The following SRRM4 variants were observed in gnomAD, a reference collection of about 807,000 sequenced individuals.
SRRM4 encodes serine/arginine repetitive matrix protein 4.
In SRRM4, 33 loss-of-function variants were observed where a neutral mutation model predicts 68.9. The ratio of observed to expected loss-of-function variants is 0.48; its 90% CI spans 0.36 to 0.64. SRRM4 has a LOEUF of 0.64. Ranked by LOEUF, SRRM4 falls within the 30% of genes least tolerant of loss-of-function variation. SRRM4 has a pLI of 0.00. For missense variants in SRRM4, 817 were observed against 827.1 expected (o/e 0.99, Z 0.15); for synonymous variants, 318 against 318.8 (o/e 1.00, Z 0.03).
chr12:119,110,175 C>T (rs1954133534), intron 2 of SRRM4, among the ~76,000 whole-genome samples: 1 of 152,208 alleles, frequency 6.6e-6, no homozygotes, highest in Non-Finnish European at 1.5e-5. Context: ...CTGCCTGATC[C>T]TTCCTCTGGA....
Position 119,157,027 on chromosome 12 carries a change from G to C in SRRM4, c.*229G>C. 2.0e-6 allele frequency: 1 copy of C among 503,352 alleles called. No homozygotes were observed. The highest frequency in any genetic ancestry group is 3.4e-6 in the Non-Finnish European group (1 of 292,924). 31.2% of individuals were successfully genotyped at this position (503,352 alleles called of 1,614,324 possible). Reference sequence around the variant, plus strand: ...GGCCCAGCTCAGGCCTGGGCATATGGAAAGAACCATCATCTTGTGGCACAA... The same window carrying C: ...GGCCCAGCTCAGGCCTGGGCATATGCAAAGAACCATCATCTTGTGGCACAA... On this transcript the variant is annotated 3_prime_UTR_variant, in exon 13 of 13. Transcript: ENST00000267260. This position sits in a 1 kb window ranked among gnomAD's most constrained non-coding sequence, Gnocchi z 4.1.
At chr12:119,002,458 T>C (rs966244408) in intron 1 of SRRM4, among the ~76,000 whole-genome samples, 13 of 152,138 alleles carry the variant, frequency 8.5e-5, no homozygotes, top group Non-Finnish European at 1.8e-4. Flanking sequence ...ATGGATTCAT[T>C]CTCTCCAAAT....
intron 4 of SRRM4, among the ~76,000 whole-genome samples, chr12:119,118,776 C>A (rs1954198831): frequency 6.6e-6 from 1 of 152,194 alleles, no homozygotes; most frequent in South Asian, 2.1e-4. Context: ...AGTGGCTTCT[C>A]ACTCACAGAT....
Position 119,102,303 on chromosome 12 carries a change from C to T in SRRM4, c.199C>T (p.Leu67=), listed in dbSNP as rs574984677. 299 of 1,613,768 alleles carry T rather than the reference C, an allele frequency of 1.9e-4. 1 individual carries two copies. In the South Asian group the frequency reaches 3.0e-3, roughly 16 times the overall value. ...DGPSEKLGQH[L]ATEPLGTNSW... Reference sequence around the variant, plus strand: ...ACCCTCAGAAAAGCTGGGTCAGCATCTGGCCACCGAGCCCTTGGGCACCAA... The same window carrying T: ...ACCCTCAGAAAAGCTGGGTCAGCATTTGGCCACCGAGCCCTTGGGCACCAA... Residue 67 remains leucine, a synonymous_variant, in exon 2 of 13, where the codon CTG becomes TTG. Transcript: ENST00000267260.
intron 4 of SRRM4, 44 bp from the exon 5 acceptor site, chr12:119,120,206 T>G (rs1244104938): frequency 7.0e-7 from 1 of 1,424,546 alleles, no homozygotes; most frequent in Non-Finnish European, 9.6e-7. Context: ...TGCCTTTTTT[T>G]TCTTTGATTC....
Position 118,981,807 on chromosome 12 carries a change from G to A in SRRM4, c.-76G>A, listed in dbSNP as rs1238055293. The A allele has an allele frequency of 1.3e-6, 2 of 1,526,786 alleles. No homozygotes were observed. The highest frequency in any genetic ancestry group is 2.6e-5 in the South Asian group (2 of 78,354). 94.6% of individuals were successfully genotyped at this position (1,526,786 alleles called of 1,614,324 possible). ...TCACCCGGACAGAGCCGGGAGCTGG[G>A]TGTCGCCCCCGTTTGGAATCCACGT... On this transcript the variant is annotated 5_prime_UTR_variant, in exon 1 of 13. In the 5' UTR this introduces an upstream ATG that the reference lacks. Transcript: ENST00000267260.
At position 119,153,642 on chromosome 12, in the gene SRRM4, C is replaced by G. The variant is rs1185502641; in HGVS notation, c.1384C>G (p.Pro462Ala). The G allele has an allele frequency of 6.4e-7, 1 of 1,554,176 alleles. No homozygotes were observed. The highest frequency in any genetic ancestry group is 8.7e-7 in the Non-Finnish European group (1 of 1,151,044). ...CAGCCCTAGCTACTCCCGCTACAGC[C>G]CCAGCAGGTACCGGCCCCGCCCCTC... ...RRSPSYSRYS[P>A]SRERDPKYSE... is the part of the protein sequence containing the mutation. Residue 462 changes from proline (P) to alanine (A), a missense_variant, in exon 11 of 13, where the codon CCC becomes GCC. Pro to Ala is a conservative substitution (Grantham distance 27). Coordinates refer to ENST00000267260, the MANE Select transcript of SRRM4 (RefSeq NM_194286.4).
At chr12:119,131,836 G>A (rs6490239) in intron 8 of SRRM4, among the ~76,000 whole-genome samples, 104,799 of 152,018 alleles carry the variant, frequency 0.69, 36,247 homozygotes, top group South Asian at 0.74. Context: ...ATTGCAGCAG[G>A]CAGCTGTGAA....
intron 1 of SRRM4, among the ~76,000 whole-genome samples, chr12:119,052,944 C>G (rs547597358): frequency 7.0e-4 from 107 of 152,112 alleles, no homozygotes; most frequent in Non-Finnish European, 1.2e-3. Context: ...TTTCTGTACC[C>G]AAATTATTAT....
chr12:119,091,081 G>T (rs952926054), intron 1 of SRRM4, among the ~76,000 whole-genome samples: 1 of 152,156 alleles, frequency 6.6e-6, no homozygotes, highest in Non-Finnish European at 1.5e-5. Context: ...CTGTCTGCTT[G>T]TTAGGAATTT....
At chr12:119,000,404 C>T (rs1014574751) in intron 1 of SRRM4, among the ~76,000 whole-genome samples, 4 of 152,180 alleles carry the variant, frequency 2.6e-5, no homozygotes, top group African/African-American at 9.7e-5. Flanking sequence ...ATCCCCTTTG[C>T]ACTCCCAGTC....
intron 5 of SRRM4, among the ~76,000 whole-genome samples, chr12:119,121,064 G>C (rs143772294): frequency 6.6e-6 from 1 of 152,164 alleles, no homozygotes; most frequent in Non-Finnish European, 1.5e-5. Context: ...CCCATTTCAC[G>C]GTTGAAGAAA....
Position 119,159,987 on chromosome 12 carries a change from C to T in SRRM4, c.*3189C>T, listed in dbSNP as rs1382807251. The T allele has an allele frequency of 6.6e-6, 1 of 152,098 alleles. No individual in the cohort carries two copies. The highest frequency in any genetic ancestry group is 1.9e-4 in the East Asian group (1 of 5,156). The allele number at this position is 152,098 out of a possible 1,614,324, so 9.4% of individuals were successfully genotyped here. ...GAAGGGCCCAGGATCCAAAGGTCAT[C>T]AGTCCTGCTTATCTGACCAACTGGC... On this transcript the variant is annotated 3_prime_UTR_variant, in exon 13 of 13. Transcript: ENST00000267260.
At chr12:119,106,333 C>T (rs1954107484) in intron 2 of SRRM4, among the ~76,000 whole-genome samples, 1 of 152,010 alleles carries the variant, frequency 6.6e-6, no homozygotes, top group African/African-American at 2.4e-5. Context: ...TAGTTTTTTC[C>T]AGTTCTGTGG....
chr12:118,982,696 C>CTTT (rs1565882832), intron 1 of SRRM4, among the ~76,000 whole-genome samples: 18 of 65,068 alleles, frequency 2.8e-4, no homozygotes, highest in African/African-American at 1.0e-3. Flanking sequence ...TTTTTTTTTT[C>CTTT]CAAAAAGAAT....
At position 119,153,583 on chromosome 12, in the gene SRRM4, G is replaced by A. The variant is rs768442324; in HGVS notation, c.1325G>A (p.Arg442Lys). 3 of 1,577,490 alleles carry A rather than the reference G, an allele frequency of 1.9e-6. No homozygotes were observed. Among genetic ancestry groups the A allele is most frequent in the Non-Finnish European group, 2.6e-6 (3 of 1,162,450 alleles). The change falls in exon 11 of 13, where the codon AGG becomes AAG. Residue 442 changes from arginine to lysine, a missense_variant. Transcript: ENST00000267260. ...AGCTATTCCTCCAAGTCTGGCAAGAGGAGCCCGCCCAGCAGAAGCTCTAGG... is the reference window on the plus strand; with the variant it reads ...AGCTATTCCTCCAAGTCTGGCAAGAAGAGCCCGCCCAGCAGAAGCTCTAGG... ...SPSYSSKSGK[R>K]SPPSRSSRSR...
At chr12:119,129,537 A>G (rs1215188158) in intron 7 of SRRM4, among the ~76,000 whole-genome samples, 4 of 152,222 alleles carry the variant, frequency 2.6e-5, no homozygotes, top group Non-Finnish European at 4.4e-5. Flanking sequence ...AGTTACATTT[A>G]TAGACAAACA....
intron 1 of SRRM4, among the ~76,000 whole-genome samples, chr12:118,992,534 C>A (rs1300260410): frequency 3.3e-5 from 5 of 152,192 alleles, no homozygotes; most frequent in African/African-American, 1.2e-4. Context: ...TGTCCACAGC[C>A]AGGTGGCAGG....
intron 1 of SRRM4, among the ~76,000 whole-genome samples, chr12:119,041,876 G>A (rs1953670995): frequency 1.3e-5 from 2 of 152,262 alleles, no homozygotes; most frequent in East Asian, 3.9e-4. Context: ...TCTACAAATA[G>A]CAATCCGAGC....
Sources: allele counts gnomAD v4.1 joint callset (sites outside exome capture counted in the v4.1 genomes callset), GRCh38; gene constraint gnomAD v4.1.1; non-coding constraint Gnocchi (gnomAD v3.1); transcripts MANE v1.5; gene names NCBI Gene and HGNC (gene_info 2026-07-23, HGNC 2026-07-21).